The following CFAP46 variants were observed in gnomAD, a reference collection of about 807,000 sequenced individuals.
CFAP46 encodes cilia and flagella associated protein 46, also known as cilia- and flagella-associated protein 46.
In CFAP46, 245 loss-of-function variants were observed where a neutral mutation model predicts 325.7. The observed-to-expected ratio is 0.75, with a 90% confidence interval of 0.68 to 0.84. The LOEUF is 0.84. Ranked by LOEUF, CFAP46 falls within the 40% of genes least tolerant of loss-of-function variation. CFAP46 has a pLI of 0.00. For synonymous variants in CFAP46, 1,523 were observed against 1,495.9 expected, an observed-to-expected ratio of 1.02 and a Z score of -0.42; for missense variants, 3,346 against 3,543.0, an observed-to-expected ratio of 0.94 and a Z score of 1.41.
chr10:132,820,732 T>TGCGCTGATACGTGCTGTGTGA (rs1847784195), intron 50 of CFAP46, among the ~76,000 whole-genome samples: 5 of 118,576 alleles, frequency 4.2e-5, no homozygotes, highest in Admixed American at 8.7e-5. Flanking sequence ...GTGCTGTGTG[T>TGCGCTGATACGTGCTGTGTGA]GCACTGATGT....
chr10:132,850,422 G>A lies in CFAP46; in HGVS notation c.5774C>T (p.Thr1925Met), dbSNP rs751307434. 1.9e-6 allele frequency: 3 copies of A among 1,566,462 alleles called. No individual in the cohort carries two copies. Among genetic ancestry groups the A allele is most frequent in the Admixed American group, 1.8e-5 (1 of 54,722 alleles). ...CCCGTGTGCTAGAGTCCGCTTCAGC[G>A]TGAACCATTGCTTCGAAAAGACAGA... ...DYTSVGLQWFTLKRTLAHGAL... is the reference protein window; with the variant it reads ...DYTSVGLQWFMLKRTLAHGAL... The change falls in exon 41 of 58, where the codon ACG becomes ATG. Residue 1925 changes from threonine (T) to methionine (M), a missense_variant. Coordinates refer to ENST00000368586, the MANE Select transcript of CFAP46 (RefSeq NM_001200049.3).
rs1322337341 is a variant in CFAP46, at chr10:132,821,509, C to T, written c.7118-6595G>A. 1.2e-3 allele frequency among the ~76,000 whole-genome samples: 106 copies of T among 91,922 alleles called. 1 individual carries two copies. Among genetic ancestry groups the T allele is most frequent in the Middle Eastern group, 0.012 (1 of 86 alleles). The allele number at this position is 91,922 out of a possible 152,430, so 60.3% of individuals were successfully genotyped here. Reference sequence around the variant, plus strand: ...TGTGAGTGCTGATGTGTGCTGTGTGCGCTGTGTGCTGTGTGCTGATGTGTG... The same window carrying T: ...TGTGAGTGCTGATGTGTGCTGTGTGTGCTGTGTGCTGTGTGCTGATGTGTG... On this transcript the variant is annotated intron_variant, in intron 50 of 57. Transcript: ENST00000368586.
In CFAP46 at chr10:132,880,851, G is replaced by C; in HGVS notation, c.3799+10C>G. ...GTGGGGTCGGCACCCTGCCAGCGGC[G>C]TGGGCTCACCATCCGGCGTGGGCTG... is the stretch of plus-strand genomic sequence containing the variant. On this transcript the variant is annotated intron_variant, in intron 28 of 57. Transcript: ENST00000368586. 1.3e-6 allele frequency: 2 copies of C among 1,544,148 alleles called. No individual in the cohort carries two copies. Among genetic ancestry groups the C allele is most frequent in the South Asian group, 1.2e-5 (1 of 83,938 alleles).
At chr10:132,850,132 C>T in intron 41 of CFAP46, 112 bp downstream of exon 41, 1 of 1,112,228 alleles carries the variant, frequency 9.0e-7, no homozygotes, top group Admixed American at 2.4e-5. Flanking sequence ...ATTTTTCTCT[C>T]TTCCTGGGGC....
chr10:132,932,335 CCCCA>C (rs1849923636), intron 8 of CFAP46, among the ~76,000 whole-genome samples: 1 of 143,744 alleles, frequency 7.0e-6, no homozygotes, highest in African/African-American at 2.6e-5. Flanking sequence ...GCCTGGGCCT[CCCCA>C]CATTCCCCAC....
At chr10:132,942,336 G>T in intron 1 of CFAP46, 100 bp downstream of exon 1, 1 of 1,156,456 alleles carries the variant, frequency 8.6e-7, no homozygotes, top group Non-Finnish European at 1.2e-6. Context: ...TCACCCATTG[G>T]GCGGGCTGGG....
rs1207224391 is a variant in CFAP46 at position 132,913,175 on chromosome 10, C to A, written c.2204G>T (p.Trp735Leu). Reference protein sequence around the residue: ...AEIGQEIQEAWIVQNAVVYVL... With the variant: ...AEIGQEIQEALIVQNAVVYVL... ...GTAGACCACGGCGTTCTGCACAATCCACGCCTCCTGGATCTCCTGTCCGAT... is the reference window on the plus strand; with the variant it reads ...GTAGACCACGGCGTTCTGCACAATCAACGCCTCCTGGATCTCCTGTCCGAT... Residue 735 changes from tryptophan (W) to leucine (L), a missense_variant, in exon 18 of 58, where the codon TGG (tryptophan) becomes TTG (leucine). Coordinates refer to ENST00000368586, the MANE Select transcript of CFAP46 (RefSeq NM_001200049.3). 1.3e-5 allele frequency: 20 copies of A among 1,550,460 alleles called. No individual in the cohort carries two copies. The highest frequency in any genetic ancestry group is 1.7e-5 in the Non-Finnish European group (20 of 1,147,000).
intron 22 of CFAP46, among the ~76,000 whole-genome samples, chr10:132,902,181 G>A (rs4268437): frequency 0.27 from 40,332 of 152,030 alleles, 6,379 homozygotes; most frequent in Admixed American, 0.45. Context: ...GTTTTCAAAC[G>A]TGTGTATTTT....
At chr10:132,830,532 C>T (rs1027180030) in intron 50 of CFAP46, among the ~76,000 whole-genome samples, 12 of 152,180 alleles carry the variant, frequency 7.9e-5, no homozygotes, top group Non-Finnish European at 1.6e-4. Context: ...TCTTCTTGAG[C>T]GAGTTTGGAA....
intron 50 of CFAP46, among the ~76,000 whole-genome samples, chr10:132,821,873 G>A (rs1234702760): frequency 6.8e-6 from 1 of 147,148 alleles, no homozygotes; most frequent in African/African-American, 2.6e-5. Flanking sequence ...TGTGTGCTGT[G>A]TGCTGTGTGT....
intron 44 of CFAP46, among the ~76,000 whole-genome samples, chr10:132,838,488 C>T (rs1446536726): frequency 6.6e-6 from 1 of 152,280 alleles, no homozygotes; most frequent in Non-Finnish European, 1.5e-5. Context: ...ACAAGGGGAC[C>T]ACAACAGATT....
chr10:132,937,078 A>G, intron 6 of CFAP46, 23 bp from the exon 7 acceptor site: 2 of 1,375,570 alleles, frequency 1.5e-6, no homozygotes, highest in Non-Finnish European at 2.0e-6. Context: ...GGAGCAGATT[A>G]TTAATCTGGA....
chr10:132,885,535 G>T (rs1849109529), intron 26 of CFAP46, among the ~76,000 whole-genome samples: 1 of 152,010 alleles, frequency 6.6e-6, no homozygotes, highest in Non-Finnish European at 1.5e-5. Flanking sequence ...GTCTTCCAGT[G>T]CAAGTGGGAA....
At chr10:132,913,305 C>T (rs1408050707) in intron 17 of CFAP46, 47 bp from the exon 18 acceptor site, 37 of 1,254,480 alleles carry the variant, frequency 2.9e-5, no homozygotes, top group East Asian at 1.2e-4. Context: ...TCCCCAGCCC[C>T]GGGGCCAGGC....
intron 41 of CFAP46, among the ~76,000 whole-genome samples, chr10:132,849,156 G>A (rs1354959355): frequency 6.6e-6 from 1 of 152,228 alleles, no homozygotes; most frequent in African/African-American, 2.4e-5. Flanking sequence ...CCTCGCTGGA[G>A]CACCATCAGC....
intron 50 of CFAP46, among the ~76,000 whole-genome samples, chr10:132,825,729 A>C (rs1370420551): frequency 1.3e-5 from 2 of 152,230 alleles, no homozygotes; most frequent in Non-Finnish European, 2.9e-5. Context: ...AAACAATAAA[A>C]ATTATATCCA....
At chr10:132,837,158 T>TAAA in intron 44 of CFAP46, 9 of 502,788 alleles carry the variant, frequency 1.8e-5, no homozygotes, top group Non-Finnish European at 2.5e-5. Context: ...CTCCGGTTGT[T>TAAA]AATGTTTAGA....
In CFAP46 at chr10:132,808,568, G is replaced by A. The variant is rs751773246; in HGVS notation, c.8001C>T (p.Ala2667=). Residue 2667 remains alanine, a synonymous_variant, in exon 58 of 58, where the codon GCC becomes GCT. Coordinates refer to ENST00000368586, the MANE Select transcript of CFAP46 (RefSeq NM_001200049.3). This position sits in a 1 kb window ranked among gnomAD's most constrained non-coding sequence, Gnocchi z 6.8. ...GCAGACCCCATGGCGCACACAGGCAGGCAGAGCTCGAGGTCCAGGCGGCTG... is the reference window on the plus strand; with the variant it reads ...GCAGACCCCATGGCGCACACAGGCAAGCAGAGCTCGAGGTCCAGGCGGCTG... ...RKAAAWTSSS[A]CLCAPWGLRR... 4 of 1,612,886 alleles carry A rather than the reference G, an allele frequency of 2.5e-6. No individual in the cohort carries two copies. The South Asian group carries it at 3.3e-5, about 13-fold the overall frequency.
chr10:132,820,533 GTGCA>G (rs1298332085), intron 50 of CFAP46, among the ~76,000 whole-genome samples: 5 of 146,376 alleles, frequency 3.4e-5, no homozygotes, highest in African/African-American at 1.0e-4. Flanking sequence ...TGTGCTGTGT[GTGCA>G]CTGATGTGTG....
Sources: allele counts gnomAD v4.1 joint callset (sites outside exome capture counted in the v4.1 genomes callset), GRCh38; gene constraint gnomAD v4.1.1; non-coding constraint Gnocchi (gnomAD v3.1); transcripts MANE v1.5; gene names NCBI Gene and HGNC (gene_info 2026-07-23, HGNC 2026-07-21).